The following ANKRD52 variants were observed in gnomAD, a reference collection of about 807,000 sequenced individuals.
The protein encoded by ANKRD52 is ankyrin repeat domain 52.
In ANKRD52, 7 loss-of-function variants were observed where a neutral mutation model predicts 116.0. The observed-to-expected ratio is 0.06, with a 90% CI of 0.03 to 0.11. The LOEUF (loss-of-function observed/expected upper bound fraction) is 0.11, where lower values mean the gene tolerates loss of function less well. Among genes scored for constraint, ANKRD52 ranks in the 10% least tolerant of loss-of-function variants. The pLI is 1.00. For synonymous variants in ANKRD52, 528 were observed against 578.1 expected (o/e 0.91, Z 1.24); for missense variants, 839 against 1,408.6 (o/e 0.60, Z 6.47).
At chr12:56,251,678 C>T (rs1025043827) in intron 15 of ANKRD52, among the ~76,000 whole-genome samples, 4 of 142,994 alleles carry the variant, frequency 2.8e-5, no homozygotes, top group Non-Finnish European at 4.5e-5. Context: ...CAGCCGGGCG[C>T]GGTGAGCTGA....
chr12:56,248,939 C>T lies in ANKRD52; in HGVS notation c.1593-69G>A. 2 of 1,209,382 alleles carry T rather than the reference C, an allele frequency of 1.7e-6. No individual in the cohort carries two copies. Among genetic ancestry groups the T allele is most frequent in the South Asian group, 3.0e-5 (2 of 65,958 alleles). The allele number at this position is 1,209,382 out of a possible 1,614,324, so 74.9% of individuals were successfully genotyped here. ...CCAGGAGGGCACAGTTCTGGGAGGG[C>T]CAGAGGAGAGGACCAAGGCCCTCCA... On this transcript the variant is annotated intron_variant, in intron 15 of 27. Coordinates refer to ENST00000267116, the MANE Select transcript of ANKRD52 (RefSeq NM_173595.4). This position sits in a 1 kb window ranked among gnomAD's most constrained non-coding sequence, Gnocchi z 5.1.
At chr12:56,258,101 T>G in intron 1 of ANKRD52, 142 bp downstream of exon 1, 1 of 1,445,426 alleles carries the variant, frequency 6.9e-7, no homozygotes, top group Non-Finnish European at 9.4e-7. Flanking sequence ...ACCGGCTCGG[T>G]TGAGGGGAGC....
Position 56,244,193 on chromosome 12 carries a change from C to T in ANKRD52, c.2806-60G>A, listed in dbSNP as rs1043047520. The T allele has an allele frequency of 6.3e-5, 100 of 1,590,726 alleles. No homozygotes were observed. Among genetic ancestry groups the T allele is most frequent in the Non-Finnish European group, 8.5e-5 (99 of 1,159,198 alleles). ...AGTAGAAATGTGGCAGGGTGCAGGGCAGGAGTTGGGGAGAGTAACAGGAGG... is the reference window on the plus strand; with the variant it reads ...AGTAGAAATGTGGCAGGGTGCAGGGTAGGAGTTGGGGAGAGTAACAGGAGG... On this transcript the variant is annotated intron_variant, in intron 25 of 27. Transcript: ENST00000267116. This position sits in a 1 kb window ranked among gnomAD's most constrained non-coding sequence, Gnocchi z 4.9.
Position 56,254,415 on chromosome 12 carries a change from T to C in ANKRD52, c.694-136A>G. The C allele has an allele frequency of 7.0e-7, 1 of 1,429,498 alleles. No individual in the cohort carries two copies. The highest frequency in any genetic ancestry group is 9.5e-7 in the Non-Finnish European group (1 of 1,050,882). 88.6% of individuals were successfully genotyped at this position (1,429,498 alleles called of 1,614,324 possible). A position where few individuals can be genotyped will look rare whatever the true frequency, so the allele number is the denominator to read the frequency against. ...TTTATGACCCAAGGTACTAAGGTAC[T>C]AAGGGCACTATGGCTAAGGTAAGCA... On this transcript the variant is annotated intron_variant, in intron 7 of 27. Transcript: ENST00000267116. The surrounding 1 kb of genome is among the most constrained non-coding windows in gnomAD (Gnocchi z 4.6).
In ANKRD52 at chr12:56,247,512, C is replaced by T. The variant is rs866477471; in HGVS notation, c.2165G>A (p.Arg722His). ...STADAADLRG[R>H]TALHRGAVTG... ...ACTCACCCCGCGGTGGAGGGCAGTG[C>T]GGCCCCGGAGGTCAGCAGCATCAGC... The change falls in exon 20 of 28, where the codon CGC becomes CAC. Residue 722 changes from arginine (R) to histidine (H), a missense_variant. Arg to His is a conservative substitution (Grantham distance 29). This residue lies in a region of ANKRD52 where 552 missense variants were observed against 810.6 expected (regional missense o/e 0.68). Coordinates refer to ENST00000267116, the MANE Select transcript of ANKRD52 (RefSeq NM_173595.4). 23 of 1,584,826 alleles carry T rather than the reference C, an allele frequency of 1.5e-5. No individual in the cohort carries two copies. The highest frequency in any genetic ancestry group is 4.6e-5 in the East Asian group (2 of 43,686).
In ANKRD52 at chr12:56,248,931, TG is replaced by T; in HGVS notation, c.1593-62del. The stretch of plus-strand genomic sequence containing the variant: ...GGCCCAGCCCAGGAGGGCACAGTTC[TG>T]GGAGGGCCAGAGGAGAGGACCAAGG... On this transcript the variant is annotated intron_variant, in intron 15 of 27. Transcript: ENST00000267116. The surrounding 1 kb of genome is among the most constrained non-coding windows in gnomAD (Gnocchi z 5.1). The T allele has an allele frequency of 1.5e-6, 2 of 1,292,732 alleles. No individual in the cohort carries two copies. The highest frequency in any genetic ancestry group is 2.1e-6 in the Non-Finnish European group (2 of 937,300). 80.1% of individuals were successfully genotyped at this position (1,292,732 alleles called of 1,614,324 possible).
chr12:56,244,887 C>T lies in ANKRD52; in HGVS notation c.2576+19G>A. 1 of 1,613,926 alleles carries T rather than the reference C, an allele frequency of 6.2e-7. No homozygotes were observed. Among genetic ancestry groups the T allele is most frequent in the Non-Finnish European group, 8.5e-7 (1 of 1,179,864 alleles). On this transcript the variant is annotated intron_variant, in intron 23 of 27. Transcript: ENST00000267116. The surrounding 1 kb of genome is among the most constrained non-coding windows in gnomAD (Gnocchi z 4.9). The stretch of plus-strand genomic sequence containing the variant: ...AGCCAGAGGCAACTGGGATTCTTCC[C>T]AAGTCTTCCATCACTCACCGTCCTT...
chr12:56,244,187 G>T lies in ANKRD52; in HGVS notation c.2806-54C>A. The stretch of plus-strand genomic sequence containing the variant: ...TTGTGAAGTAGAAATGTGGCAGGGT[G>T]CAGGGCAGGAGTTGGGGAGAGTAAC... On this transcript the variant is annotated intron_variant, in intron 25 of 27. Coordinates refer to ENST00000267116, the MANE Select transcript of ANKRD52 (RefSeq NM_173595.4). The surrounding 1 kb of genome is among the most constrained non-coding windows in gnomAD (Gnocchi z 4.9). 1 of 1,594,982 alleles carries T rather than the reference G, an allele frequency of 6.3e-7. No individual in the cohort carries two copies. The highest frequency in any genetic ancestry group is 8.6e-7 in the Non-Finnish European group (1 of 1,162,842).
chr12:56,239,440 C>T lies in ANKRD52; in HGVS notation c.*3702G>A. 6.6e-6 allele frequency: 1 copy of T among 152,370 alleles called. No individual in the cohort carries two copies. The allele number at this position is 152,370 out of a possible 1,614,324, so 9.4% of individuals were successfully genotyped here. ...GGATGGGGGCCCATACTGGTTTGCC[C>T]CAGGAGTAGGGTTTCTGGGCTAGGG... On this transcript the variant is annotated 3_prime_UTR_variant, in exon 28 of 28. Coordinates refer to ENST00000267116, the MANE Select transcript of ANKRD52 (RefSeq NM_173595.4).
chr12:56,247,346 C>CAAAAAA (rs1007977970), intron 20 of ANKRD52, 147 bp downstream of exon 20: 11 of 490,058 alleles, frequency 2.2e-5, no homozygotes, highest in Middle Eastern at 5.2e-4. Flanking sequence ...GACCCTGTCT[C>CAAAAAA]AAAAAAAAAA....
chr12:56,244,179 G>A lies in ANKRD52; in HGVS notation c.2806-46C>T. 6.2e-7 allele frequency: 1 copy of A among 1,603,394 alleles called. No individual in the cohort carries two copies. Among genetic ancestry groups the A allele is most frequent in the South Asian group, 1.1e-5 (1 of 90,846 alleles). On this transcript the variant is annotated intron_variant, in intron 25 of 27. Coordinates refer to ENST00000267116, the MANE Select transcript of ANKRD52 (RefSeq NM_173595.4). This position sits in a 1 kb window ranked among gnomAD's most constrained non-coding sequence, Gnocchi z 4.9. ...GTGGAGACTTGTGAAGTAGAAATGT[G>A]GCAGGGTGCAGGGCAGGAGTTGGGG... is the stretch of plus-strand genomic sequence containing the variant.
Position 56,247,648 on chromosome 12 carries a change from G to A in ANKRD52, c.2067-38C>T, listed in dbSNP as rs750722773. 4 of 1,597,552 alleles carry A rather than the reference G, an allele frequency of 2.5e-6. No individual in the cohort carries two copies. In the African/African-American group the frequency reaches 4.0e-5, roughly 16 times the overall value. ...AGGAGGAGGAGTGAGGATCCCGCAA[G>A]GACTGGAAAACCTGCACCCCACCCT... On this transcript the variant is annotated intron_variant, in intron 19 of 27. Transcript: ENST00000267116.
Position 56,243,853 on chromosome 12 carries a change from T to C in ANKRD52, c.2912A>G (p.Asn971Ser), listed in dbSNP as rs750081605. The C allele has an allele frequency of 1.3e-6, 2 of 1,566,298 alleles. No individual in the cohort carries two copies. The highest frequency in any genetic ancestry group is 2.7e-5 in the African/African-American group (2 of 73,574). ...GGCCTGTACCACAGAAGCTAGACCA[T>C]TCCGGGCAGCAATGTGGAGTGGCCT... Reference protein sequence around the residue: ...LQMPLHIAARNGLASVVQALL... With the variant: ...LQMPLHIAARSGLASVVQALL... The change falls in exon 27 of 28, where the codon AAT becomes AGT. Residue 971 changes from asparagine (N) to serine (S), a missense_variant. Asn to Ser is a conservative substitution (Grantham distance 46). Coordinates refer to ENST00000267116, the MANE Select transcript of ANKRD52 (RefSeq NM_173595.4). This position sits in a 1 kb window ranked among gnomAD's most constrained non-coding sequence, Gnocchi z 4.6.
intron 18 of ANKRD52, 68 bp from the exon 19 acceptor site, chr12:56,247,842 G>T: frequency 6.6e-7 from 1 of 1,509,254 alleles, no homozygotes; most frequent in South Asian, 1.2e-5. Flanking sequence ...CAAGCCTAAA[G>T]GACTTGGGGT....
Position 56,254,011 on chromosome 12 carries a change from G to A in ANKRD52, c.906+56C>T. ...AAGAGAGCTATCCAGATACAGTCAG[G>A]ACCCCTAGATCCAAGTTTCGCTCCC... On this transcript the variant is annotated intron_variant, in intron 8 of 27. Coordinates refer to ENST00000267116, the MANE Select transcript of ANKRD52 (RefSeq NM_173595.4). This position sits in a 1 kb window ranked among gnomAD's most constrained non-coding sequence, Gnocchi z 4.6. 6.5e-7 allele frequency: 1 copy of A among 1,534,406 alleles called. No homozygotes were observed. Among genetic ancestry groups the A allele is most frequent in the Non-Finnish European group, 9.0e-7 (1 of 1,112,808 alleles).
Position 56,254,602 on chromosome 12 carries a change from C to A in ANKRD52, c.669G>T (p.Lys223Asn), listed in dbSNP as rs1871856542. Reference sequence around the variant, plus strand: ...CCTCCGCTCCCATCCGAAGCAGGTACTTCACCACTTCAATCTGGCCACTGG... The same window carrying A: ...CCTCCGCTCCCATCCGAAGCAGGTAATTCACCACTTCAATCTGGCCACTGG... ...AAASGQIEVVKYLLRMGAEID... is the reference protein window; with the variant it reads ...AAASGQIEVVNYLLRMGAEID... Residue 223 changes from lysine (K) to asparagine (N), a missense_variant, in exon 7 of 28, where the codon AAG becomes AAT. Lys to Asn is a moderately conservative substitution (Grantham distance 94). Coordinates refer to ENST00000267116, the MANE Select transcript of ANKRD52 (RefSeq NM_173595.4). The surrounding 1 kb of genome is among the most constrained non-coding windows in gnomAD (Gnocchi z 4.6). The A allele has an allele frequency of 6.2e-7, 1 of 1,613,874 alleles. No individual in the cohort carries two copies. Among genetic ancestry groups the A allele is most frequent in the South Asian group, 1.1e-5 (1 of 91,086 alleles).
rs745469622 is a variant in ANKRD52 at position 56,247,837 on chromosome 12, C to T, written c.1979-63G>A. ...AGGAAGAAGGGAGGCAAGGTCAAGC[C>T]TAAAGGACTTGGGGTCAATGTTACA... On this transcript the variant is annotated intron_variant, in intron 18 of 27. Transcript: ENST00000267116. 250 of 1,530,436 alleles carry T rather than the reference C, an allele frequency of 1.6e-4. 1 individual carries two copies. The highest frequency in any genetic ancestry group is 3.4e-4 in the Middle Eastern group (2 of 5,964). The allele number at this position is 1,530,436 out of a possible 1,614,324, so 94.8% of individuals were successfully genotyped here.
chr12:56,258,015 G>T, intron 1 of ANKRD52, 104 bp from the exon 2 acceptor site: 2 of 1,322,496 alleles, frequency 1.5e-6, no homozygotes, highest in Non-Finnish European at 1.1e-6. Flanking sequence ...GGCGTCCGTG[G>T]AGGGGCTCCA....
In ANKRD52 at chr12:56,248,047, T is replaced by G; in HGVS notation, c.1954A>C (p.Lys652Gln). 6.2e-7 allele frequency: 1 copy of G among 1,607,338 alleles called. No individual in the cohort carries two copies. Among genetic ancestry groups the G allele is most frequent in the Non-Finnish European group, 8.5e-7 (1 of 1,179,582 alleles). ...CCAGCAGCGTGCAGGGGTGTCCACTTGCGCTTGCGCTCCTTGATGAGGGCA... is the reference window on the plus strand; with the variant it reads ...CCAGCAGCGTGCAGGGGTGTCCACTGGCGCTTGCGCTCCTTGATGAGGGCA... ...ASALIKERKR[K>Q]WTPLHAAAAS... The change falls in exon 18 of 28, where the codon AAG (lysine) becomes CAG (glutamine). Residue 652 changes from lysine to glutamine, a missense_variant. Around this residue, in one of 2 missense-constraint regions of ANKRD52, gnomAD observed 552 missense variants for 810.6 expected, o/e 0.68. Transcript: ENST00000267116. The surrounding 1 kb of genome is among the most constrained non-coding windows in gnomAD (Gnocchi z 5.1).
Sources: gnomAD v4.1 joint callset for allele counts (sites outside exome capture counted in the v4.1 genomes callset) on GRCh38, gnomAD v4.1.1 for gene constraint, gnomAD v4.1.1 regional missense constraint, Gnocchi (gnomAD v3.1) non-coding constraint, MANE v1.5 for transcripts, NCBI Gene and HGNC (gene_info 2026-07-23, HGNC 2026-07-21) for gene names.